ZFPM2: variants seen among roughly 807,000 people sequenced by gnomAD.
ZFPM2 encodes the protein zinc finger protein, FOG family member 2.
In ZFPM2, 20 loss-of-function variants were observed where a neutral mutation model predicts 98.6. The observed-to-expected ratio is 0.20, with a 90% CI of 0.14 to 0.29. ZFPM2 has a LOEUF of 0.29. ZFPM2 is among the 10% of genes least tolerant of loss of function. The pLI, the probability that ZFPM2 is intolerant of heterozygous loss-of-function variation, is 1.00. For missense variants in ZFPM2, 1,310 were observed against 1,388.6 expected, an observed-to-expected ratio of 0.94 and a Z score of 0.90; for synonymous variants, 518 against 502.7, an observed-to-expected ratio of 1.03 and a Z score of -0.41.
chr8:105,560,223 A>G lies in ZFPM2; in HGVS notation c.302-1140A>G, dbSNP rs906707256. 3.3e-5 allele frequency among the ~76,000 whole-genome samples: 5 copies of G among 151,414 alleles called. No individual in the cohort carries two copies. In the South Asian group the frequency reaches 6.2e-4, roughly 19 times the overall value. On this transcript the variant is annotated intron_variant, in intron 3 of 7. Coordinates refer to ENST00000407775, the MANE Select transcript of ZFPM2 (RefSeq NM_012082.4). ...ATAAGTACTGAATATATTCTATTCT[A>G]TTTTCCTCAGCTTTCTATTCTATAT...
chr8:105,534,465 C>CCCTTCCTTTCTT (rs1162931685), intron 3 of ZFPM2, among the ~76,000 whole-genome samples: 1 of 148,928 alleles, frequency 6.7e-6, no homozygotes, highest in Non-Finnish European at 1.5e-5. Context: ...CTTCCTTCCT[C>CCCTTCCTTTCTT]CCTTCCTTTC....
At chr8:105,551,595 T>G (rs904388403) in intron 3 of ZFPM2, among the ~76,000 whole-genome samples, 6 of 152,130 alleles carry the variant, frequency 3.9e-5, no homozygotes, top group African/African-American at 1.2e-4. Flanking sequence ...GACTGAAAGG[T>G]TTCAAAGTAA....
chr8:105,322,059 A>G (rs946885972), intron 1 of ZFPM2, among the ~76,000 whole-genome samples: 2 of 151,958 alleles, frequency 1.3e-5, no homozygotes, highest in Non-Finnish European at 2.9e-5. Context: ...GCTTTCTCTC[A>G]TAAGCTATTA....
chr8:105,803,707 T>TATTA lies in ZFPM2; in HGVS notation c.*170_*173dup, dbSNP rs1454372567. Reference sequence around the variant, plus strand: ...TTCATTACAGTCCATTAGTAAAGTGTATTATTGGTGCCATTTTCAAAAAAA... The same window carrying TATTA: ...TTCATTACAGTCCATTAGTAAAGTGTATTAATTATTGGTGCCATTTTCAAAAAAA... On this transcript the variant is annotated 3_prime_UTR_variant, in exon 8 of 8. Transcript: ENST00000407775. The TATTA allele has an allele frequency of 1.6e-6, 1 of 633,488 alleles. No homozygotes were observed. Among genetic ancestry groups the TATTA allele is most frequent in the Admixed American group, 3.2e-5 (1 of 31,432 alleles). 39.2% of individuals were successfully genotyped at this position (633,488 alleles called of 1,614,324 possible). A position where few individuals can be genotyped will look rare whatever the true frequency, so the allele number is the denominator to read the frequency against.
At chr8:105,541,202 A>T (rs996831283) in intron 3 of ZFPM2, among the ~76,000 whole-genome samples, 1 of 152,142 alleles carries the variant, frequency 6.6e-6, no homozygotes, top group East Asian at 1.9e-4. Context: ...TTTTAAGTGC[A>T]TGCTTTAGGT....
In ZFPM2 at chr8:105,679,950, T is replaced by G. The variant is rs868682470; in HGVS notation, c.532+45593T>G. Among the ~76,000 whole-genome samples, 5 of 152,310 alleles carry G rather than the reference T, an allele frequency of 3.3e-5. No homozygotes were observed. In the Middle Eastern group the frequency reaches 0.017, roughly 518 times the overall value. The stretch of plus-strand genomic sequence containing the variant: ...AAACTTTACTCATGAGAGCTTAAGT[T>G]GACCAACATTTCAAAACTTGATGCT... On this transcript the variant is annotated intron_variant, in intron 5 of 7. Transcript: ENST00000407775.
intron 2 of ZFPM2, among the ~76,000 whole-genome samples, chr8:105,421,903 C>T (rs555812929): frequency 2.2e-4 from 33 of 151,088 alleles, no homozygotes; most frequent in Middle Eastern, 7.0e-3. Flanking sequence ...AAAAATTAGC[C>T]GGGTGTGGTG....
intron 1 of ZFPM2, among the ~76,000 whole-genome samples, chr8:105,321,218 C>T (rs1261714495): frequency 6.6e-6 from 1 of 152,154 alleles, no homozygotes; most frequent in Non-Finnish European, 1.5e-5. Context: ...TTTGCCTGTT[C>T]AGGCATAAGA....
chr8:105,539,762 C>T (rs1327985282), intron 3 of ZFPM2, among the ~76,000 whole-genome samples: 1 of 152,128 alleles, frequency 6.6e-6, no homozygotes, highest in Admixed American at 6.5e-5. Context: ...AATATCAGTA[C>T]AGTCAGATCA....
intron 1 of ZFPM2, among the ~76,000 whole-genome samples, chr8:105,380,966 G>A (rs375819594): frequency 8.7e-6 from 1 of 115,354 alleles, no homozygotes; most frequent in Admixed American, 1.3e-4. Context: ...TGGGATACAC[G>A]TGGAGAACTT....
chr8:105,779,925 C>G (rs1464262336), intron 5 of ZFPM2, among the ~76,000 whole-genome samples: 2 of 152,150 alleles, frequency 1.3e-5, no homozygotes, highest in African/African-American at 2.4e-5. Context: ...TCTTTATTAT[C>G]AAAACTTGTA....
intron 3 of ZFPM2, among the ~76,000 whole-genome samples, chr8:105,509,922 G>A (rs1347834455): frequency 6.6e-6 from 1 of 152,048 alleles, no homozygotes; most frequent in African/African-American, 2.4e-5. Context: ...AATAAAGTAG[G>A]CAATTTAAAT....
chr8:105,748,184 T>C (rs190927320), intron 5 of ZFPM2, among the ~76,000 whole-genome samples: 1 of 152,202 alleles, frequency 6.6e-6, no homozygotes, highest in Non-Finnish European at 1.5e-5. Context: ...TAAAAGGCTT[T>C]AGTTATTAAG....
chr8:105,669,253 G>A lies in ZFPM2; in HGVS notation c.532+34896G>A, dbSNP rs1817543913. On this transcript the variant is annotated intron_variant, in intron 5 of 7. Coordinates refer to ENST00000407775, the MANE Select transcript of ZFPM2 (RefSeq NM_012082.4). Reference sequence around the variant, plus strand: ...AGTCTTCAATACATATATACGTAATGTCTTGTGATTTATTCTGGTTATATT... The same window carrying A: ...AGTCTTCAATACATATATACGTAATATCTTGTGATTTATTCTGGTTATATT... Among the ~76,000 whole-genome samples the A allele has an allele frequency of 2.6e-5, 4 of 152,032 alleles. No homozygotes were observed. The South Asian group carries it at 8.3e-4, about 32-fold the overall frequency.
chr8:105,321,788 C>T (rs138800355), intron 1 of ZFPM2, among the ~76,000 whole-genome samples: 411 of 152,076 alleles, frequency 2.7e-3, no homozygotes, highest in African/African-American at 9.4e-3. Context: ...GAAAGATAAG[C>T]GGAGAAGATA....
intron 5 of ZFPM2, among the ~76,000 whole-genome samples, chr8:105,671,427 T>G (rs1490457210): frequency 6.6e-6 from 1 of 151,966 alleles, no homozygotes; most frequent in African/African-American, 2.4e-5. Context: ...ATAATTATTC[T>G]ACAACATCTC....
At chr8:105,515,732 C>A (rs1563694357) in intron 3 of ZFPM2, among the ~76,000 whole-genome samples, 1 of 151,936 alleles carries the variant, frequency 6.6e-6, no homozygotes, top group Non-Finnish European at 1.5e-5. Context: ...CTACTTTGGG[C>A]TTTAGACTTA....
intron 1 of ZFPM2, among the ~76,000 whole-genome samples, chr8:105,338,826 G>A (rs1221656552): frequency 3.3e-5 from 5 of 151,882 alleles, no homozygotes; most frequent in Admixed American, 2.6e-4. Flanking sequence ...AGGACATTGA[G>A]ATTTTACTGT....
chr8:105,319,045 G>A (rs1042329394), intron 1 of ZFPM2, 64 bp downstream of exon 1: 2 of 1,454,652 alleles, frequency 1.4e-6, no homozygotes, highest in Non-Finnish European at 1.8e-6. Context: ...TGCGCGGGAC[G>A]GGAAAGCGGT....
Sources: allele counts gnomAD v4.1 joint callset (sites outside exome capture counted in the v4.1 genomes callset), GRCh38; gene constraint gnomAD v4.1.1; transcripts MANE v1.5; gene names NCBI Gene and HGNC (gene_info 2026-07-23, HGNC 2026-07-21).